The following CDH12 variants were observed in gnomAD, a reference collection of about 807,000 sequenced individuals.
The protein encoded by CDH12 is cadherin 12, also known as cadherin-12.
In CDH12, 41 loss-of-function variants were observed where a neutral mutation model predicts 74.1. The ratio of observed to expected loss-of-function variants is 0.55; its 90% CI spans 0.43 to 0.72. The LOEUF is 0.72. CDH12 is among the 30% of genes least tolerant of loss of function. The pLI, the probability that CDH12 is intolerant of heterozygous loss-of-function variation, is 0.00. For synonymous variants in CDH12, 399 were observed against 355.0 expected, an observed-to-expected ratio of 1.12 and a Z score of -1.39; for missense variants, 945 against 977.2, an observed-to-expected ratio of 0.97 and a Z score of 0.44.
intron 6 of CDH12, among the ~76,000 whole-genome samples, chr5:21,948,452 C>T (rs533945158): frequency 6.6e-6 from 1 of 152,280 alleles, no homozygotes; most frequent in South Asian, 2.1e-4. Context: ...TCTGTATCCC[C>T]TTTGTTTTGA....
Position 22,672,745 on chromosome 5 carries a change from T to G in CDH12, c.-522-167381A>C, listed in dbSNP as rs543831787. 5.7e-4 allele frequency among the ~76,000 whole-genome samples: 87 copies of G among 152,332 alleles called. No homozygotes were observed. In the South Asian group the frequency reaches 0.014, roughly 25 times the overall value. ...AGTCACATGTTGGAAGCCAGATGCA[T>G]GAGAATGGAAATGATCCAATCAAAG... On this transcript the variant is annotated intron_variant, in intron 1 of 14. Transcript: ENST00000382254.
intron 1 of CDH12, among the ~76,000 whole-genome samples, chr5:22,768,515 A>G (rs554537654): frequency 1.3e-5 from 2 of 152,132 alleles, no homozygotes; most frequent in Non-Finnish European, 2.9e-5. Context: ...GATTTTTATT[A>G]GCACAGTTGT....
At chr5:21,993,862 A>G (rs1736111238) in intron 5 of CDH12, among the ~76,000 whole-genome samples, 2 of 152,182 alleles carry the variant, frequency 1.3e-5, no homozygotes, top group Non-Finnish European at 2.9e-5. Context: ...ACTAGTACAG[A>G]TAAATACTGA....
chr5:22,173,109 C>T (rs1397968771), intron 4 of CDH12, among the ~76,000 whole-genome samples: 4 of 151,346 alleles, frequency 2.6e-5, no homozygotes, highest in Admixed American at 2.0e-4. Context: ...CTCCGTAATA[C>T]ATCATTTACA....
intron 2 of CDH12, among the ~76,000 whole-genome samples, chr5:22,414,486 C>T (rs1410922438): frequency 1.3e-5 from 2 of 151,764 alleles, no homozygotes; most frequent in Non-Finnish European, 2.9e-5. Flanking sequence ...AATTGATAGA[C>T]AATAATAGAA....
chr5:22,147,589 T>TAA (rs147619864), intron 4 of CDH12, among the ~76,000 whole-genome samples: 168 of 142,742 alleles, frequency 1.2e-3, no homozygotes, highest in Middle Eastern at 3.7e-3. Context: ...TAGTTTATCT[T>TAA]AAAAAAAAAA....
intron 3 of CDH12, among the ~76,000 whole-genome samples, chr5:22,342,769 C>A (rs567141337): frequency 2.1e-5 from 3 of 142,136 alleles, no homozygotes; most frequent in Non-Finnish European, 4.7e-5. Context: ...TTCCTCCCTT[C>A]CTCACTTCCT....
rs145036089 is a variant in CDH12 at position 22,792,517 on chromosome 5, C to T, written c.-523+60541G>A. On this transcript the variant is annotated intron_variant, in intron 1 of 14. Transcript: ENST00000382254. ...TTTTGTTGCAGTTTGTTTTCCAACT[C>T]ACTATTATTAAGATGTGTCATGCCT... is the stretch of plus-strand genomic sequence containing the variant. Among the ~76,000 whole-genome samples, 167 of 152,324 alleles carry T rather than the reference C, an allele frequency of 1.1e-3. No homozygotes were observed. The East Asian group carries it at 0.014, about 13-fold the overall frequency.
intron 5 of CDH12, among the ~76,000 whole-genome samples, chr5:22,031,524 A>G (rs1738825278): frequency 6.6e-6 from 1 of 152,136 alleles, no homozygotes; most frequent in African/African-American, 2.4e-5. Context: ...TTGGCTGACT[A>G]TTCTGCACAA....
At chr5:21,801,618 C>A (rs1747115270) in intron 10 of CDH12, among the ~76,000 whole-genome samples, 1 of 152,114 alleles carries the variant, frequency 6.6e-6, no homozygotes, top group African/African-American at 2.4e-5. Flanking sequence ...TTGAGCAATT[C>A]CATAAATTCA....
intron 5 of CDH12, among the ~76,000 whole-genome samples, chr5:21,992,724 G>T (rs956755197): frequency 6.6e-6 from 1 of 152,080 alleles, no homozygotes; most frequent in Non-Finnish European, 1.5e-5. Context: ...ATTAAGGTAA[G>T]TTACAGACAG....
chr5:22,222,052 A>G (rs1752036201), intron 3 of CDH12, among the ~76,000 whole-genome samples: 2 of 152,110 alleles, frequency 1.3e-5, no homozygotes, highest in South Asian at 4.1e-4. Context: ...TGGCTCTTAC[A>G]ATGCTTAATG....
chr5:21,805,949 G>T (rs1307829027), intron 9 of CDH12, among the ~76,000 whole-genome samples: 1 of 152,136 alleles, frequency 6.6e-6, no homozygotes, highest in East Asian at 1.9e-4. Flanking sequence ...TGACTAAAGA[G>T]AATTTAGTTG....
Position 21,755,816 on chromosome 5 carries a change from T to A in CDH12, c.1660A>T (p.Arg554Ter). 1 of 1,614,136 alleles carries A rather than the reference T, an allele frequency of 6.2e-7. No individual in the cohort carries two copies. The highest frequency in any genetic ancestry group is 8.5e-7 in the Non-Finnish European group (1 of 1,179,976). ...TGCTGCCTGCGGCTGTATCCATTTCTTCGGGTTTCAATCCCCGCTGTGTTG... is the reference window on the plus strand; with the variant it reads ...TGCTGCCTGCGGCTGTATCCATTTCATCGGGTTTCAATCCCCGCTGTGTTG... ...RNNTAGIETRRNGYSRRQQEL... is the reference protein window; with the variant it reads ...RNNTAGIETR Residue 554 changes from arginine (R) to a stop codon, truncating the protein, a stop_gained, in exon 14 of 15, where the codon AGA (arginine) becomes TGA (stop). Coordinates refer to ENST00000382254, the MANE Select transcript of CDH12 (RefSeq NM_004061.5). LOFTEE classifies it high-confidence loss of function.
chr5:22,211,103 G>A (rs1244875308), intron 4 of CDH12, among the ~76,000 whole-genome samples: 1 of 152,110 alleles, frequency 6.6e-6, no homozygotes, highest in African/African-American at 2.4e-5. Flanking sequence ...GCTCTCCAGA[G>A]AATTTCAGAA....
chr5:21,897,183 A>G (rs990875067), intron 6 of CDH12, among the ~76,000 whole-genome samples: 27 of 152,240 alleles, frequency 1.8e-4, no homozygotes, highest in African/African-American at 6.5e-4. Flanking sequence ...ATTTTCAAAG[A>G]CCCTATGCCT....
intron 4 of CDH12, among the ~76,000 whole-genome samples, chr5:22,198,441 C>T (rs1287009028): frequency 2.0e-5 from 3 of 152,084 alleles, no homozygotes; most frequent in Non-Finnish European, 4.4e-5. Context: ...TGACACTCTT[C>T]AATATTTTCA....
chr5:21,824,185 C>A (rs1017102888), intron 8 of CDH12, among the ~76,000 whole-genome samples: 1 of 152,096 alleles, frequency 6.6e-6, no homozygotes, highest in African/African-American at 2.4e-5. Context: ...GGATTAGCAG[C>A]CTTTCTCTGT....
intron 3 of CDH12, among the ~76,000 whole-genome samples, chr5:22,275,477 A>G (rs1736592535): frequency 6.6e-6 from 1 of 152,208 alleles, no homozygotes; most frequent in Admixed American, 6.5e-5. Flanking sequence ...AGGTGTAAAC[A>G]GTAAAGCTGT....
Sources: allele counts gnomAD v4.1 joint callset (sites outside exome capture counted in the v4.1 genomes callset), GRCh38; gene constraint gnomAD v4.1.1; transcripts MANE v1.5; gene names NCBI Gene and HGNC (gene_info 2026-07-23, HGNC 2026-07-21).